The following ZMAT4 variants were observed in gnomAD, a reference collection of about 807,000 sequenced individuals.
The protein encoded by ZMAT4 is zinc finger matrin-type protein 4.
In ZMAT4, 17 loss-of-function variants were observed where a neutral mutation model predicts 28.7. That is an observed-to-expected ratio of 0.59 (90% CI 0.41 to 0.89). The LOEUF (loss-of-function observed/expected upper bound fraction) is 0.89, where lower values mean the gene tolerates loss of function less well. Ranked by LOEUF, ZMAT4 falls within the 40% of genes least tolerant of loss-of-function variation. The pLI, the probability that ZMAT4 is intolerant of heterozygous loss-of-function variation, is 0.00. For synonymous variants in ZMAT4, 117 were observed against 109.2 expected, an observed-to-expected ratio of 1.07 and a Z score of -0.44; for missense variants, 240 against 283.8, an observed-to-expected ratio of 0.85 and a Z score of 1.11.
At chr8:40,586,420 C>A (rs1804673672) in intron 5 of ZMAT4, among the ~76,000 whole-genome samples, 1 of 152,102 alleles carries the variant, frequency 6.6e-6, no homozygotes, top group African/African-American at 2.4e-5. Context: ...GTCAGACAAT[C>A]CAGTTGGAGA....
chr8:40,858,281 C>T (rs1444345778), intron 1 of ZMAT4, among the ~76,000 whole-genome samples: 1 of 152,144 alleles, frequency 6.6e-6, no homozygotes, highest in Non-Finnish European at 1.5e-5. Flanking sequence ...TGAGGCGGTG[C>T]TCATTTTCAC....
chr8:40,633,929 A>T lies in ZMAT4; in HGVS notation c.577+40775T>A, dbSNP rs188953423. Reference sequence around the variant, plus strand: ...TATGAGTTACCTCAGCGACAACTCCAAATGCCACCAGGAAATAGCAACCAG... The same window carrying T: ...TATGAGTTACCTCAGCGACAACTCCTAATGCCACCAGGAAATAGCAACCAG... On this transcript the variant is annotated intron_variant, in intron 5 of 6. Coordinates refer to ENST00000297737, the MANE Select transcript of ZMAT4 (RefSeq NM_024645.3). Among the ~76,000 whole-genome samples the T allele has an allele frequency of 2.6e-5, 4 of 152,312 alleles. No individual in the cohort carries two copies. In the East Asian group the frequency reaches 7.7e-4, roughly 29 times the overall value.
Position 40,663,547 on chromosome 8 carries a change from A to C in ZMAT4, c.577+11157T>G, listed in dbSNP as rs533202401. 2.1e-3 allele frequency among the ~76,000 whole-genome samples: 317 copies of C among 152,292 alleles called. 1 individual carries two copies. Among genetic ancestry groups the C allele is most frequent in the African/African-American group, 6.9e-3 (288 of 41,558 alleles). On this transcript the variant is annotated intron_variant, in intron 5 of 6. Transcript: ENST00000297737. ...ATGACAAAATAAGAGAACCAAAATT[A>C]TCTCTTCTATATCACACTATTTTCC... is the stretch of plus-strand genomic sequence containing the variant.
chr8:40,862,598 A>AG (rs1229619779), intron 1 of ZMAT4, among the ~76,000 whole-genome samples: 2 of 128,922 alleles, frequency 1.6e-5, no homozygotes, highest in African/African-American at 5.6e-5. Flanking sequence ...AAAAAAAAAA[A>AG]AAGAAAATTT....
At chr8:40,828,535 G>A (rs1238144041) in intron 1 of ZMAT4, among the ~76,000 whole-genome samples, 2 of 152,090 alleles carry the variant, frequency 1.3e-5, no homozygotes, top group African/African-American at 2.4e-5. Flanking sequence ...AGCTTTAAAG[G>A]CAGAATATAA....
intron 2 of ZMAT4, among the ~76,000 whole-genome samples, chr8:40,791,969 C>T (rs1346917597): frequency 1.3e-5 from 2 of 152,210 alleles, no homozygotes; most frequent in Non-Finnish European, 2.9e-5. Context: ...CAAAATCCAC[C>T]AGTGTTGCTA....
intron 2 of ZMAT4, among the ~76,000 whole-genome samples, 157 bp from the exon 3 acceptor site, chr8:40,767,887 G>C (rs1159041764): frequency 6.6e-6 from 1 of 152,176 alleles, no homozygotes; most frequent in Non-Finnish European, 1.5e-5. Flanking sequence ...TTTCAGATAG[G>C]TTAAGTGGCT....
chr8:40,820,902 T>TA (rs1473749834), intron 2 of ZMAT4, among the ~76,000 whole-genome samples: 1 of 62,560 alleles, frequency 1.6e-5, no homozygotes, highest in Non-Finnish European at 3.3e-5. Context: ...TATGTGTGTG[T>TA]TTGTGTGTAT....
At chr8:40,721,548 C>G (rs1275363880) in intron 3 of ZMAT4, among the ~76,000 whole-genome samples, 3 of 133,972 alleles carry the variant, frequency 2.2e-5, no homozygotes, top group African/African-American at 8.6e-5. Flanking sequence ...CCTGAGGAAT[C>G]GCCACACTGA....
intron 5 of ZMAT4, among the ~76,000 whole-genome samples, chr8:40,653,778 A>G (rs1214527373): frequency 6.6e-6 from 1 of 152,208 alleles, no homozygotes; most frequent in Non-Finnish European, 1.5e-5. Flanking sequence ...AATCAAAAAT[A>G]TTTCATACAA....
chr8:40,747,245 A>G (rs1471089223), intron 3 of ZMAT4, among the ~76,000 whole-genome samples: 1 of 152,212 alleles, frequency 6.6e-6, no homozygotes, highest in Non-Finnish European at 1.5e-5. Flanking sequence ...CTTTTAAATC[A>G]CATGCTATTA....
intron 3 of ZMAT4, among the ~76,000 whole-genome samples, chr8:40,762,139 G>A (rs188885191): frequency 2.0e-5 from 3 of 152,222 alleles, no homozygotes; most frequent in Admixed American, 2.0e-4. Context: ...TCAACGTTAC[G>A]CACAATGTCC....
chr8:40,647,257 A>C (rs1807368406), intron 5 of ZMAT4, among the ~76,000 whole-genome samples: 1 of 152,220 alleles, frequency 6.6e-6, no homozygotes, highest in Non-Finnish European at 1.5e-5. Context: ...GCATTGCCTC[A>C]CTTGGGAAGC....
In ZMAT4 at chr8:40,697,330, C is replaced by G. The variant is rs1462337091; in HGVS notation, c.264G>C (p.Val88=). 1.9e-6 allele frequency: 3 copies of G among 1,613,896 alleles called. No homozygotes were observed. Among genetic ancestry groups the G allele is most frequent in the Non-Finnish European group, 2.5e-6 (3 of 1,179,860 alleles). ...TLCNMSFTSA[V]VADSHYQGKI... Reference sequence around the variant, plus strand: ...TGCCTTGATAATGGGAATCGGCCACCACCGCTGAAGTGAATGACATGTTGC... The same window carrying G: ...TGCCTTGATAATGGGAATCGGCCACGACCGCTGAAGTGAATGACATGTTGC... The change falls in exon 4 of 7, where the codon GTG becomes GTC. Residue 88 remains valine (V), a synonymous_variant. Transcript: ENST00000297737.
At chr8:40,786,822 A>G in intron 2 of ZMAT4, 1 of 1,062,594 alleles carries the variant, frequency 9.4e-7, no homozygotes, top group Non-Finnish European at 1.3e-6. Flanking sequence ...CTTACAGAAG[A>G]AAATTGGGAT....
At chr8:40,582,927 C>G (rs1266194703) in intron 5 of ZMAT4, among the ~76,000 whole-genome samples, 1 of 152,206 alleles carries the variant, frequency 6.6e-6, no homozygotes, top group Non-Finnish European at 1.5e-5. Flanking sequence ...TAACTATACC[C>G]ACATTACCAA....
chr8:40,691,261 T>C (rs1384539779), intron 4 of ZMAT4, among the ~76,000 whole-genome samples: 1 of 152,172 alleles, frequency 6.6e-6, no homozygotes, highest in Non-Finnish European at 1.5e-5. Context: ...CAAAGCTTAT[T>C]TTCTCAGTAA....
At chr8:40,586,894 T>C (rs1804686800) in intron 5 of ZMAT4, among the ~76,000 whole-genome samples, 2 of 152,012 alleles carry the variant, frequency 1.3e-5, no homozygotes, top group South Asian at 4.2e-4. Context: ...GCACAGTATA[T>C]AAGCAGGATC....
At chr8:40,850,461 T>G (rs1291565108) in intron 1 of ZMAT4, among the ~76,000 whole-genome samples, 2 of 152,186 alleles carry the variant, frequency 1.3e-5, no homozygotes, top group East Asian at 1.9e-4. Flanking sequence ...GGCGGATCAC[T>G]GCAGACAGTC....
Sources: gnomAD v4.1 joint callset for allele counts (sites outside exome capture counted in the v4.1 genomes callset) on GRCh38, gnomAD v4.1.1 for gene constraint, MANE v1.5 for transcripts, NCBI Gene and HGNC (gene_info 2026-07-23, HGNC 2026-07-21) for gene names.